The following MPP7 variants were observed in gnomAD, a reference collection of about 807,000 sequenced individuals.
The protein encoded by MPP7 is MAGUK p55 scaffold protein 7.
In MPP7, 60 loss-of-function variants were observed where a neutral mutation model predicts 76.5. That is an observed-to-expected ratio of 0.78 (90% CI 0.64 to 0.97). The LOEUF (loss-of-function observed/expected upper bound fraction) is 0.97. Among genes scored for constraint, MPP7 ranks in the 50% least tolerant of loss-of-function variants. The pLI is 0.00. For missense variants in MPP7, 641 were observed against 694.0 expected (o/e 0.92, Z 0.86); for synonymous variants, 237 against 244.5 (o/e 0.97, Z 0.29).
At chr10:28,134,667 C>T (rs115624097) in intron 5 of MPP7, among the ~76,000 whole-genome samples, 2,811 of 152,114 alleles carry the variant, frequency 0.018, 82 homozygotes, top group African/African-American at 0.063. Flanking sequence ...AGACTCTAAA[C>T]GTTCACGAAG....
At chr10:28,291,195 A>G (rs1315607547) in intron 1 of MPP7, among the ~76,000 whole-genome samples, 2 of 152,238 alleles carry the variant, frequency 1.3e-5, no homozygotes, top group African/African-American at 4.8e-5. Flanking sequence ...AATGTAAAGA[A>G]AAATGGACTC....
At chr10:28,219,899 T>C (rs887949325) in intron 2 of MPP7, among the ~76,000 whole-genome samples, 69 of 152,252 alleles carry the variant, frequency 4.5e-4, no homozygotes, top group African/African-American at 1.6e-3. Context: ...CTGCAATTTT[T>C]CCCATTTAAA....
chr10:28,222,656 C>T (rs1008233345), intron 2 of MPP7, among the ~76,000 whole-genome samples: 3 of 151,814 alleles, frequency 2.0e-5, no homozygotes, highest in African/African-American at 7.3e-5. Flanking sequence ...ATAGAGACCA[C>T]CCTGGCTAAC....
chr10:28,321,777 G>A (rs961434968), intron 2 of MPP7, among the ~76,000 whole-genome samples: 3 of 151,958 alleles, frequency 2.0e-5, no homozygotes, highest in African/African-American at 7.3e-5. Flanking sequence ...GTAGAGACAG[G>A]GTTTCACCAT....
chr10:28,253,045 C>T (rs1382513020), intron 1 of MPP7, among the ~76,000 whole-genome samples: 1 of 152,052 alleles, frequency 6.6e-6, no homozygotes, highest in Non-Finnish European at 1.5e-5. Flanking sequence ...GCAGCTGGGA[C>T]TATGAGCACG....
At chr10:28,268,683 C>T (rs1173364816) in intron 1 of MPP7, among the ~76,000 whole-genome samples, 1 of 150,464 alleles carries the variant, frequency 6.6e-6, no homozygotes, top group Non-Finnish European at 1.5e-5. Flanking sequence ...TGCAGTGAGC[C>T]GAGAATGCAC....
chr10:28,321,361 C>T (rs1387403109), intron 2 of MPP7, among the ~76,000 whole-genome samples: 1 of 152,054 alleles, frequency 6.6e-6, no homozygotes, highest in Non-Finnish European at 1.5e-5. Context: ...ACACATCTTC[C>T]TGGATTATTT....
At chr10:28,332,658 T>G (rs539180332) in intron 1 of MPP7, among the ~76,000 whole-genome samples, 3 of 152,244 alleles carry the variant, frequency 2.0e-5, no homozygotes, top group African/African-American at 7.2e-5. Context: ...TAAGGTAAGT[T>G]ATTATTTGCC....
intron 3 of MPP7, among the ~76,000 whole-genome samples, chr10:28,173,819 TAGAA>T (rs1836768211): frequency 1.3e-5 from 2 of 152,092 alleles, no homozygotes; most frequent in South Asian, 2.1e-4. Context: ...CCTAACTAAA[TAGAA>T]AGAGTCACCA....
intron 2 of MPP7, among the ~76,000 whole-genome samples, chr10:28,215,915 G>A (rs963760790): frequency 6.6e-6 from 1 of 152,074 alleles, no homozygotes; most frequent in African/African-American, 2.4e-5. Flanking sequence ...GCATTAAGGA[G>A]GCAGATGACA....
intron 1 of MPP7, among the ~76,000 whole-genome samples, chr10:28,282,394 G>C (rs895065386): frequency 6.6e-6 from 1 of 152,002 alleles, no homozygotes; most frequent in Non-Finnish European, 1.5e-5. Context: ...GAGGAAGAGC[G>C]GTTAAAATCA....
chr10:28,215,656 C>T (rs908666120), intron 2 of MPP7, among the ~76,000 whole-genome samples: 1 of 152,128 alleles, frequency 6.6e-6, no homozygotes, highest in Admixed American at 6.6e-5. Context: ...TGCTTAGACT[C>T]TAGAGCCATG....
chr10:28,112,328 T>C (rs961295507), intron 11 of MPP7, among the ~76,000 whole-genome samples: 12 of 152,074 alleles, frequency 7.9e-5, no homozygotes, highest in African/African-American at 2.9e-4. Flanking sequence ...ATAGGACCAA[T>C]GGGATAGATT....
chr10:28,276,047 T>TC (rs1364715076), intron 1 of MPP7, among the ~76,000 whole-genome samples: 28 of 150,932 alleles, frequency 1.9e-4, no homozygotes, highest in African/African-American at 6.4e-4. Flanking sequence ...TTTTTTTTTT[T>TC]TGAGATGGAG....
At chr10:28,332,931 G>A (rs966651759) in intron 1 of MPP7, among the ~76,000 whole-genome samples, 1 of 152,030 alleles carries the variant, frequency 6.6e-6, no homozygotes, top group African/African-American at 2.4e-5. Flanking sequence ...CCAAAGTGCT[G>A]GGATTACAGG....
intron 3 of MPP7, among the ~76,000 whole-genome samples, chr10:28,151,857 C>T (rs1321826715): frequency 2.0e-5 from 3 of 152,162 alleles, no homozygotes; most frequent in African/African-American, 7.2e-5. Flanking sequence ...CTGTGTTCTT[C>T]ACTGCGATCC....
intron 1 of MPP7, among the ~76,000 whole-genome samples, chr10:28,281,279 G>T (rs1048792623): frequency 6.6e-6 from 1 of 151,930 alleles, no homozygotes. Context: ...AGTAGAGATG[G>T]AGTTTTGCCA....
At chr10:28,243,586 T>G (rs1839341840) in intron 1 of MPP7, among the ~76,000 whole-genome samples, 1 of 152,196 alleles carries the variant, frequency 6.6e-6, no homozygotes, top group African/African-American at 2.4e-5. Context: ...TTTCAGATTT[T>G]ACACTGAAAC....
chr10:28,091,721 T>C (rs1853315325), intron 11 of MPP7, among the ~76,000 whole-genome samples: 1 of 152,246 alleles, frequency 6.6e-6, no homozygotes, highest in Admixed American at 6.5e-5. Context: ...TTTAACCAAT[T>C]ATGGACTGAA....
Sources: allele counts gnomAD v4.1 joint callset (sites outside exome capture counted in the v4.1 genomes callset), GRCh38; gene constraint gnomAD v4.1.1; transcripts MANE v1.5; gene names NCBI Gene and HGNC (gene_info 2026-07-23, HGNC 2026-07-21).